Variants in OR3A2 observed in about 807,000 individuals in gnomAD.
The protein encoded by OR3A2 is olfactory receptor family 3 subfamily A member 2.
For synonymous variants in OR3A2, 126 were observed against 159.3 expected (o/e 0.79, Z 1.57); for missense variants, 318 against 392.8 (o/e 0.81, Z 1.61).
At chr17:3,292,665 C>CCTT in intron 3 of OR3A2, 5 of 1,257,408 alleles carry the variant, frequency 4.0e-6, no homozygotes, top group Non-Finnish European at 5.5e-6. Context: ...AAACAGACCC[C>CCTT]CTTCTACTTG....
At chr17:3,372,351 G>A (rs1392310710) in intron 2 of OR3A2, among the ~76,000 whole-genome samples, 1 of 150,424 alleles carries the variant, frequency 6.6e-6, no homozygotes, top group Non-Finnish European at 1.5e-5. Context: ...TGGGCAGCCA[G>A]GCAGAGGGGC....
At chr17:3,359,173 T>G (rs2049488782) in intron 2 of OR3A2, among the ~76,000 whole-genome samples, 1 of 151,702 alleles carries the variant, frequency 6.6e-6, no homozygotes, top group Non-Finnish European at 1.5e-5. Flanking sequence ...GAGTGTTGTT[T>G]TGTGTGAGAT....
At chr17:3,280,544 T>C (rs2048771033) in intron 1 of OR3A2, among the ~76,000 whole-genome samples, 1 of 152,232 alleles carries the variant, frequency 6.6e-6, no homozygotes. Context: ...AGTGCTGGGA[T>C]TACAGGCGTG....
intron 2 of OR3A2, among the ~76,000 whole-genome samples, chr17:3,368,271 G>A (rs533903449): frequency 2.0e-5 from 3 of 152,190 alleles, no homozygotes; most frequent in Non-Finnish European, 1.5e-5. Flanking sequence ...TGTTTTTATT[G>A]CATTTGCTTT....
At chr17:3,379,616 C>G (rs1040419985) in intron 2 of OR3A2, among the ~76,000 whole-genome samples, 2 of 152,236 alleles carry the variant, frequency 1.3e-5, no homozygotes, top group Non-Finnish European at 2.9e-5. Context: ...GAAGGGCACC[C>G]GCAGCTCCAC....
intron 3 of OR3A2, among the ~76,000 whole-genome samples, chr17:3,325,239 C>T (rs1393316490): frequency 7.4e-5 from 10 of 134,960 alleles, no homozygotes; most frequent in African/African-American, 2.3e-4. Context: ...GACAGGGTCT[C>T]GCTCTGTCGC....
At position 3,311,356 on chromosome 17, in the gene OR3A2, G is replaced by T; in HGVS notation, c.-85+24677C>A. The T allele has an allele frequency of 1.9e-6, 1 of 531,364 alleles. No homozygotes were observed. Among genetic ancestry groups the T allele is most frequent in the South Asian group, 1.4e-5 (1 of 71,544 alleles). 32.9% of individuals were successfully genotyped at this position (531,364 alleles called of 1,614,324 possible). ...TCACCTCTTAATAGCCATGGCCTAT[G>T]ACCGCTACCTGGCTATCTGTCAGCT... On this transcript the variant is annotated intron_variant, in intron 3 of 4. Coordinates refer to the OR3A2 transcript ENST00000573491. This position sits in a 1 kb window ranked among gnomAD's most constrained non-coding sequence, Gnocchi z 4.6.
At chr17:3,291,453 C>T (rs1315708532) in intron 3 of OR3A2, 4 of 553,348 alleles carry the variant, frequency 7.2e-6, no homozygotes, top group South Asian at 2.9e-5. Context: ...AGATCCTATA[C>T]ACTCATTGCT....
intron 2 of OR3A2, among the ~76,000 whole-genome samples, chr17:3,383,437 A>G (rs1040698183): frequency 1.3e-5 from 2 of 152,210 alleles, no homozygotes; most frequent in African/African-American, 4.8e-5. Flanking sequence ...TCAACCGTGT[A>G]AGAGAGGCCT....
At chr17:3,314,746 C>G (rs1309094011) in intron 3 of OR3A2, among the ~76,000 whole-genome samples, 1 of 152,164 alleles carries the variant, frequency 6.6e-6, no homozygotes, top group Non-Finnish European at 1.5e-5. Context: ...AGATTTGTTA[C>G]TTGGTAATAC....
intron 3 of OR3A2, among the ~76,000 whole-genome samples, chr17:3,306,325 T>C (rs968891500): frequency 1.3e-5 from 2 of 152,022 alleles, no homozygotes; most frequent in Admixed American, 6.5e-5. Context: ...CTAATTTTTT[T>C]TGTAGAGACA....
chr17:3,285,095 C>G (rs2048800283), upstream of OR3A2, among the ~76,000 whole-genome samples: 1 of 151,966 alleles, frequency 6.6e-6, no homozygotes, highest in Non-Finnish European at 1.5e-5. Flanking sequence ...GCTAGCAGGA[C>G]TACTGGGAAG....
intron 3 of OR3A2, among the ~76,000 whole-genome samples, chr17:3,330,460 T>C (rs1432983802): frequency 6.6e-6 from 1 of 152,056 alleles, no homozygotes; most frequent in Admixed American, 6.6e-5. Context: ...CCTTTACCAT[T>C]ATGTAATGGC....
At chr17:3,383,865 T>C (rs2049757736) in exon 2 of OR3A2, 1 of 152,184 alleles carries the variant, frequency 6.6e-6, no homozygotes, top group Admixed American at 6.5e-5. Context: ...TCACGGTCCC[T>C]TCACCTCTGT....
chr17:3,346,276 G>A (rs777580883), intron 2 of OR3A2, among the ~76,000 whole-genome samples: 1 of 152,122 alleles, frequency 6.6e-6, no homozygotes, highest in Non-Finnish European at 1.5e-5. Context: ...CATGGTAGGT[G>A]TACATATTTA....
At chr17:3,305,925 G>T (rs547958368) in intron 3 of OR3A2, among the ~76,000 whole-genome samples, 1 of 152,294 alleles carries the variant, frequency 6.6e-6, no homozygotes, top group East Asian at 1.9e-4. Context: ...TCTGTATTTG[G>T]TCACCTCTTT....
chr17:3,346,228 G>C (rs981822896), intron 2 of OR3A2, among the ~76,000 whole-genome samples: 1 of 152,132 alleles, frequency 6.6e-6, no homozygotes, highest in Non-Finnish European at 1.5e-5. Flanking sequence ...ATTCTGTGTG[G>C]TATATATACT....
intron 2 of OR3A2, among the ~76,000 whole-genome samples, chr17:3,378,924 C>A (rs2049709386): frequency 1.3e-5 from 2 of 152,220 alleles, no homozygotes; most frequent in Middle Eastern, 6.8e-3. Flanking sequence ...AAACTTTATA[C>A]CCTCAAACAT....
At chr17:3,290,910 A>G (rs867520098) in intron 3 of OR3A2, 1 of 152,362 alleles carries the variant, frequency 6.6e-6, no homozygotes, top group South Asian at 2.1e-4. Context: ...TTATCTTTTC[A>G]AAAAATTTGA....
Sources: allele counts gnomAD v4.1 joint callset (sites outside exome capture counted in the v4.1 genomes callset), GRCh38; gene constraint gnomAD v4.1.1; non-coding constraint Gnocchi (gnomAD v3.1); transcripts MANE v1.5; gene names NCBI Gene and HGNC (gene_info 2026-07-23, HGNC 2026-07-21).